Variants in SLC39A11 observed in about 807,000 individuals in gnomAD.
The protein encoded by SLC39A11 is zinc transporter ZIP11.
Under a neutral mutation model 36.1 loss-of-function variants are expected in SLC39A11, and 33 were observed. The observed-to-expected ratio is 0.91, with a 90% confidence interval of 0.69 to 1.22. SLC39A11 has a LOEUF of 1.22. SLC39A11 is among the 50% of genes most tolerant of loss of function. SLC39A11 has a pLI of 0.00. For synonymous variants in SLC39A11, 166 were observed against 170.3 expected, an observed-to-expected ratio of 0.97 and a Z score of 0.20; for missense variants, 432 against 430.3, an observed-to-expected ratio of 1.00 and a Z score of -0.03.
At position 72,736,845 on chromosome 17, in the gene SLC39A11, C is replaced by A. The variant is rs2074451029; in HGVS notation, c.602-126G>T. ...CAGTCAAAGAAAATCATCGTAACAG[C>A]AGCTTAAACCCAGGGAAACTAAGTC... On this transcript the variant is annotated intron_variant, in intron 6 of 9. Transcript: ENST00000255559. 7 of 799,262 alleles carry A rather than the reference C, an allele frequency of 8.8e-6. No homozygotes were observed. In the South Asian group the frequency reaches 1.0e-4, roughly 12 times the overall value. 49.5% of individuals were successfully genotyped at this position (799,262 alleles called of 1,614,324 possible).
At chr17:73,045,296 A>G (rs2059243351) in intron 3 of SLC39A11, among the ~76,000 whole-genome samples, 1 of 151,252 alleles carries the variant, frequency 6.6e-6, no homozygotes, top group African/African-American at 2.4e-5. Context: ...AATAAGTTCC[A>G]TACAGCAAGG....
At chr17:72,900,014 G>C (rs1055218213) in intron 5 of SLC39A11, among the ~76,000 whole-genome samples, 1 of 130,960 alleles carries the variant, frequency 7.6e-6, no homozygotes, top group Admixed American at 7.4e-5. Context: ...AAGAGAGAGA[G>C]AGAGAAAGAG....
At chr17:73,044,039 T>C (rs2059191622) in intron 3 of SLC39A11, among the ~76,000 whole-genome samples, 1 of 152,222 alleles carries the variant, frequency 6.6e-6, no homozygotes, top group Non-Finnish European at 1.5e-5. Flanking sequence ...TTAATTAACG[T>C]AGATGGGCTT....
At chr17:72,698,752 A>G (rs936647301) in intron 7 of SLC39A11, among the ~76,000 whole-genome samples, 1 of 152,202 alleles carries the variant, frequency 6.6e-6, no homozygotes, top group African/African-American at 2.4e-5. Context: ...TCCCCACGGT[A>G]CAAACATTCC....
intron 6 of SLC39A11, among the ~76,000 whole-genome samples, chr17:72,814,238 A>C (rs887756103): frequency 4.6e-5 from 7 of 152,264 alleles, no homozygotes; most frequent in African/African-American, 1.7e-4. Flanking sequence ...CTATCACTGC[A>C]GAAAGTTCTA....
intron 7 of SLC39A11, among the ~76,000 whole-genome samples, chr17:72,680,322 T>C (rs1440355364): frequency 6.6e-6 from 1 of 152,176 alleles, no homozygotes; most frequent in Admixed American, 6.5e-5. Context: ...GGACAGCACA[T>C]GAATATGATA....
chr17:72,683,211 G>A (rs1024571016), intron 7 of SLC39A11, among the ~76,000 whole-genome samples: 2 of 152,084 alleles, frequency 1.3e-5, no homozygotes, highest in Admixed American at 6.6e-5. Context: ...GATCCTCTAT[G>A]GAAGGAAAGA....
chr17:72,885,785 C>A (rs981850416), intron 5 of SLC39A11, among the ~76,000 whole-genome samples: 1 of 152,170 alleles, frequency 6.6e-6, no homozygotes, highest in African/African-American at 2.4e-5. Context: ...TAGAGCCACC[C>A]TCTAGCAAAT....
intron 5 of SLC39A11, among the ~76,000 whole-genome samples, chr17:72,887,204 G>A (rs535590617): frequency 2.0e-4 from 30 of 152,324 alleles, no homozygotes; most frequent in African/African-American, 6.7e-4. Context: ...ATGAGTGAGT[G>A]AATGAATAAA....
intron 7 of SLC39A11, among the ~76,000 whole-genome samples, chr17:72,678,738 A>ATG (rs1363442175): frequency 1.7e-4 from 26 of 151,548 alleles, no homozygotes; most frequent in Non-Finnish European, 3.2e-4. Flanking sequence ...TTGGGGTAGC[A>ATG]ATCATGAAGC....
In SLC39A11 at chr17:73,067,482, AG is replaced by A. The variant is rs2060029832; in HGVS notation, c.147+17325del. Among the ~76,000 whole-genome samples, 4 of 152,176 alleles carry A rather than the reference AG, an allele frequency of 2.6e-5. No individual in the cohort carries two copies. In the South Asian group the frequency reaches 8.3e-4, roughly 31 times the overall value. On this transcript the variant is annotated intron_variant, in intron 3 of 9. Coordinates refer to ENST00000255559, the MANE Select transcript of SLC39A11 (RefSeq NM_139177.4). Reference sequence around the variant, plus strand: ...GCTGACTCCATGAACCTATTTTCCCAGCCATGGTCTCTAGATTTCTTCTACA... The same window carrying A: ...GCTGACTCCATGAACCTATTTTCCCACCATGGTCTCTAGATTTCTTCTACA...
At chr17:72,972,720 G>A (rs2087547455) in intron 4 of SLC39A11, among the ~76,000 whole-genome samples, 1 of 152,084 alleles carries the variant, frequency 6.6e-6, no homozygotes, top group South Asian at 2.1e-4. Context: ...TTCCCAGACT[G>A]TAGCAACCAA....
In SLC39A11 at chr17:73,088,721, G is replaced by A. The variant is rs1447447061; in HGVS notation, c.44C>T (p.Thr15Ile). The A allele has an allele frequency of 1.9e-6, 3 of 1,612,286 alleles. No homozygotes were observed. In the South Asian group the frequency reaches 3.3e-5, roughly 18 times the overall value. ...HSSVFQALLG[T>I]FFTWGMTAAG... ...TGCTGTCATCCCCCAGGTGAAGAAG[G>A]TCCCCAGCAAGGCCTGGAACACAGA... The change falls in exon 2 of 10, where the codon ACC becomes ATC. Residue 15 changes from threonine (T) to isoleucine (I), a missense_variant. Transcript: ENST00000255559.
At chr17:72,887,985 C>T (rs962742430) in intron 5 of SLC39A11, among the ~76,000 whole-genome samples, 1 of 152,194 alleles carries the variant, frequency 6.6e-6, no homozygotes, top group Non-Finnish European at 1.5e-5. Context: ...CCCATCCTGC[C>T]TTGGAAATTC....
At chr17:72,791,847 C>G (rs2076716421) in intron 6 of SLC39A11, among the ~76,000 whole-genome samples, 1 of 152,328 alleles carries the variant, frequency 6.6e-6, no homozygotes, top group South Asian at 2.1e-4. Context: ...GACATGTTGG[C>G]TTCCCCTTCC....
chr17:72,741,398 CTG>C (rs1373260801), intron 6 of SLC39A11, among the ~76,000 whole-genome samples: 1 of 152,066 alleles, frequency 6.6e-6, no homozygotes, highest in African/African-American at 2.4e-5. Context: ...CATATATGAT[CTG>C]TGTTTGTGGG....
intron 6 of SLC39A11, among the ~76,000 whole-genome samples, chr17:72,789,667 C>G (rs1008908744): frequency 1.6e-4 from 24 of 152,252 alleles, no homozygotes; most frequent in African/African-American, 5.8e-4. Flanking sequence ...AAAGGCCACA[C>G]TTCCTCTGAA....
In SLC39A11 at chr17:73,016,116, TA is replaced by T. The variant is rs202063065; in HGVS notation, c.306+15439del. On this transcript the variant is annotated intron_variant, in intron 4 of 9. Coordinates refer to ENST00000255559, the MANE Select transcript of SLC39A11 (RefSeq NM_139177.4). ...ATGGGTTAATAGTCACTATTCTGCC[TA>T]TATGCTTTTCTGAAGGGAAAATACA... Among the ~76,000 whole-genome samples, 1,413 of 152,290 alleles carry T rather than the reference TA, an allele frequency of 9.3e-3. 53 individuals carry two copies. The East Asian group carries it at 0.093, about 10-fold the overall frequency.
intron 7 of SLC39A11, among the ~76,000 whole-genome samples, chr17:72,677,508 C>A (rs937390805): frequency 8.5e-5 from 13 of 152,152 alleles, no homozygotes; most frequent in African/African-American, 3.1e-4. Flanking sequence ...GCATCTGTAA[C>A]CTGAACTGAG....
Sources: gnomAD v4.1 joint callset for allele counts (sites outside exome capture counted in the v4.1 genomes callset) on GRCh38, gnomAD v4.1.1 for gene constraint, MANE v1.5 for transcripts, NCBI Gene and HGNC (gene_info 2026-07-23, HGNC 2026-07-21) for gene names.